SERAC1: variants seen among roughly 807,000 people sequenced by gnomAD.
SERAC1 encodes the protein serine active site containing 1.
A neutral mutation model predicts 85.7 loss-of-function variants in SERAC1; 36 were observed. The ratio of observed to expected loss-of-function variants is 0.42; its 90% CI spans 0.32 to 0.55. The LOEUF is 0.55. Among genes scored for constraint, SERAC1 ranks in the 20% least tolerant of loss-of-function variants. The pLI, the probability that SERAC1 is intolerant of heterozygous loss-of-function variation, is 0.11. For missense variants in SERAC1, 629 were observed against 796.2 expected, an observed-to-expected ratio of 0.79 and a Z score of 2.53; for synonymous variants, 242 against 265.3, an observed-to-expected ratio of 0.91 and a Z score of 0.85.
chr6:158,143,034 C>T, intron 8 of SERAC1, 22 bp downstream of exon 8: 1 of 1,589,246 alleles, frequency 6.3e-7, no homozygotes, highest in Non-Finnish European at 8.6e-7. Flanking sequence ...AAAATATTTA[C>T]TGAATGAATA....
Position 158,120,584 on chromosome 6 carries a change from A to G in SERAC1, c.1016-9T>C, listed in dbSNP as rs575105507. 6.2e-7 allele frequency: 1 copy of G among 1,613,330 alleles called. No homozygotes were observed. The highest frequency in any genetic ancestry group is 1.3e-5 in the African/African-American group (1 of 74,970). ...CATGATGGAAACCCAGCCTGGTGAA[A>G]AGTACACATATCCTAAATACTGATG... On this transcript the variant is annotated splice_polypyrimidine_tract_variant and intron_variant, in intron 10 of 16. Coordinates refer to ENST00000647468, the MANE Select transcript of SERAC1 (RefSeq NM_032861.4). The surrounding 1 kb of genome is among the most constrained non-coding windows in gnomAD (Gnocchi z 4.4).
intron 9 of SERAC1, among the ~76,000 whole-genome samples, chr6:158,129,401 G>A (rs1784617514): frequency 6.6e-6 from 1 of 152,198 alleles, no homozygotes; most frequent in Non-Finnish European, 1.5e-5. Flanking sequence ...ATGTGGGACA[G>A]ATCACCTGCA....
At chr6:158,126,618 GGCA>G (rs1784545351) in intron 10 of SERAC1, among the ~76,000 whole-genome samples, 1 of 152,094 alleles carries the variant, frequency 6.6e-6, no homozygotes. Context: ...GACTAGATCG[GGCA>G]GGAACTGTCA....
At chr6:158,113,264 T>C (rs1784189675) in intron 16 of SERAC1, 185 bp downstream of exon 16, 1 of 550,526 alleles carries the variant, frequency 1.8e-6, no homozygotes, top group East Asian at 2.8e-5. Context: ...GGAGAGGTAA[T>C]ACCCGGGTTA....
At chr6:158,127,278 T>G (rs1298540445) in intron 10 of SERAC1, among the ~76,000 whole-genome samples, 4 of 24,190 alleles carry the variant, frequency 1.7e-4, no homozygotes, top group African/African-American at 2.7e-4. Context: ...CCAGCCGCCC[T>G]GTCCGGGAGG....
intron 10 of SERAC1, among the ~76,000 whole-genome samples, chr6:158,123,522 C>A (rs777332504): frequency 1.3e-5 from 2 of 152,108 alleles, no homozygotes; most frequent in East Asian, 3.9e-4. Context: ...TTAAGGAACA[C>A]GTAGAAGGTT....
chr6:158,158,217 C>T (rs1785402389), intron 2 of SERAC1, 56 bp downstream of exon 2: 1 of 1,331,418 alleles, frequency 7.5e-7, no homozygotes, highest in Non-Finnish European at 1.1e-6. Context: ...TTAGAAATGG[C>T]CACAATTCTA....
chr6:158,113,839 C>T (rs146471537), intron 15 of SERAC1, among the ~76,000 whole-genome samples: 2,487 of 152,174 alleles, frequency 0.016, 230 homozygotes, highest in Admixed American at 0.15. Context: ...GAAGCAGTTC[C>T]CAGGGCAGTC....
Position 158,158,369 on chromosome 6 carries a change from G to GT in SERAC1, c.-1-6dup. 6.2e-7 allele frequency: 1 copy of GT among 1,603,726 alleles called. No homozygotes were observed. ...CAATAAGCAGCCAGGGACATTCTGT[G>GT]TAAGTAGAACAATTACAACAAATTT... On this transcript the variant is annotated splice_polypyrimidine_tract_variant and splice_region_variant and intron_variant, in intron 1 of 16. Coordinates refer to ENST00000647468, the MANE Select transcript of SERAC1 (RefSeq NM_032861.4).
intron 9 of SERAC1, among the ~76,000 whole-genome samples, chr6:158,130,061 T>C (rs1004870935): frequency 2.9e-4 from 44 of 152,314 alleles, no homozygotes; most frequent in African/African-American, 9.9e-4. Context: ...GAAAATAATA[T>C]GTAAAAATAT....
chr6:158,139,896 C>G (rs1183935499), intron 8 of SERAC1, among the ~76,000 whole-genome samples: 1 of 152,162 alleles, frequency 6.6e-6, no homozygotes, highest in African/African-American at 2.4e-5. Flanking sequence ...GAAGATACTA[C>G]TTCACACACA....
At position 158,117,683 on chromosome 6, in the gene SERAC1, C is replaced by G. The variant is rs767776051; in HGVS notation, c.1403+44G>C. The stretch of plus-strand genomic sequence containing the variant: ...ATCCAAGAGGACCTAAACTTGCGGC[C>G]TGAATTCTTCCCTGTCCTCCTGGTC... On this transcript the variant is annotated intron_variant, in intron 13 of 16. Coordinates refer to ENST00000647468, the MANE Select transcript of SERAC1 (RefSeq NM_032861.4). This position sits in a 1 kb window ranked among gnomAD's most constrained non-coding sequence, Gnocchi z 4.3. 6.2e-7 allele frequency: 1 copy of G among 1,611,818 alleles called. No individual in the cohort carries two copies. Among genetic ancestry groups the G allele is most frequent in the Non-Finnish European group, 8.5e-7 (1 of 1,178,208 alleles).
In SERAC1 at chr6:158,117,425, T is replaced by C. The variant is rs1446934516; in HGVS notation, c.1403+302A>G. ...TTGTGGACACAAGAACAAAAAAACA[T>C]CACTTTTACTTCTGATAGAAAAGGA... On this transcript the variant is annotated intron_variant, in intron 13 of 16. Coordinates refer to ENST00000647468, the MANE Select transcript of SERAC1 (RefSeq NM_032861.4). The surrounding 1 kb of genome is among the most constrained non-coding windows in gnomAD (Gnocchi z 4.3). The C allele has an allele frequency of 3.6e-5, 46 of 1,263,224 alleles. No homozygotes were observed. Among genetic ancestry groups the C allele is most frequent in the Non-Finnish European group, 4.9e-5 (45 of 916,746 alleles). 78.3% of individuals were successfully genotyped at this position (1,263,224 alleles called of 1,614,324 possible).
intron 4 of SERAC1, among the ~76,000 whole-genome samples, chr6:158,149,789 A>G (rs1785161225): frequency 6.6e-6 from 1 of 152,226 alleles, no homozygotes; most frequent in South Asian, 2.1e-4. Flanking sequence ...AGCCTGCCTC[A>G]CTTGAGGAAC....
At chr6:158,163,772 G>A (rs527446951) in intron 1 of SERAC1, among the ~76,000 whole-genome samples, 21 of 151,706 alleles carry the variant, frequency 1.4e-4, no homozygotes, top group Admixed American at 2.6e-4. Flanking sequence ...TCACTCTGTC[G>A]CCCAGGCAGG....
Position 158,128,096 on chromosome 6 carries a change from TAAA to T in SERAC1, c.1015+9_1015+11del. ...AACAAAGTAAAAAATACTCAGTATA[TAAA>T]GCTGTTACCTGAGCGAACTATAGAA... On this transcript the variant is annotated intron_variant, in intron 10 of 16. Transcript: ENST00000647468. 2 of 1,609,172 alleles carry T rather than the reference TAAA, an allele frequency of 1.2e-6. No homozygotes were observed. Among genetic ancestry groups the T allele is most frequent in the Non-Finnish European group, 1.7e-6 (2 of 1,176,990 alleles).
At chr6:158,142,486 T>C (rs191903266) in intron 8 of SERAC1, among the ~76,000 whole-genome samples, 142 of 151,624 alleles carry the variant, frequency 9.4e-4, no homozygotes, top group Middle Eastern at 6.8e-3. Context: ...TCATTCTTTT[T>C]TTTTTTTTTG....
At chr6:158,139,882 G>C (rs1276607824) in intron 8 of SERAC1, among the ~76,000 whole-genome samples, 2 of 152,186 alleles carry the variant, frequency 1.3e-5, no homozygotes, top group East Asian at 3.8e-4. Context: ...ATCAAAGCCA[G>C]AATGAAGATA....
In SERAC1 at chr6:158,143,204, A is replaced by G; in HGVS notation, c.610-20T>C. 1 of 1,608,098 alleles carries G rather than the reference A, an allele frequency of 6.2e-7. No individual in the cohort carries two copies. The highest frequency in any genetic ancestry group is 1.3e-5 in the African/African-American group (1 of 74,666). ...AGAATCCTGAAATAAAAGGAAAGGAAATTCTTCATAAATACTCAACAACTG... is the reference window on the plus strand; with the variant it reads ...AGAATCCTGAAATAAAAGGAAAGGAGATTCTTCATAAATACTCAACAACTG... On this transcript the variant is annotated intron_variant, in intron 7 of 16. Transcript: ENST00000647468.
Sources: allele counts gnomAD v4.1 joint callset (sites outside exome capture counted in the v4.1 genomes callset), GRCh38; gene constraint gnomAD v4.1.1; non-coding constraint Gnocchi (gnomAD v3.1); transcripts MANE v1.5; gene names NCBI Gene and HGNC (gene_info 2026-07-23, HGNC 2026-07-21).